Variants in NPAS1 observed in about 807,000 individuals in gnomAD.
NPAS1 encodes neuronal PAS domain protein 1, also known as neuronal PAS domain-containing protein 1.
Under a neutral mutation model 49.2 loss-of-function variants are expected in NPAS1, and 29 were observed. The ratio of observed to expected loss-of-function variants is 0.59; its 90% CI spans 0.44 to 0.80. NPAS1 has a LOEUF of 0.80. Among genes scored for constraint, NPAS1 ranks in the 30% least tolerant of loss-of-function variants. The pLI is 0.00. For missense variants in NPAS1, 825 were observed against 835.5 expected (o/e 0.99, Z 0.15); for synonymous variants, 408 against 380.4 (o/e 1.07, Z -0.84).
At chr19:47,034,554 G>C (rs1344223180) in intron 5 of NPAS1, among the ~76,000 whole-genome samples, 1 of 152,076 alleles carries the variant, frequency 6.6e-6, no homozygotes, top group African/African-American at 2.4e-5. Flanking sequence ...AGGGGAATTT[G>C]GACAAGAGGA....
Position 47,020,401 on chromosome 19 carries a change from G to T in NPAS1, c.-43+404G>T, listed in dbSNP as rs1452549388. On this transcript the variant is annotated intron_variant, in intron 1 of 11. Transcript: ENST00000602212. ...CCGGGGCTGGGGCTCGCGCGCCGGGGTCTTCAGGGAGGAAGTTGTGGTCGT... is the reference window on the plus strand; with the variant it reads ...CCGGGGCTGGGGCTCGCGCGCCGGGTTCTTCAGGGAGGAAGTTGTGGTCGT... Among the ~76,000 whole-genome samples the T allele has an allele frequency of 1.8e-4, 28 of 151,744 alleles. 1 individual carries two copies. The highest frequency in any genetic ancestry group is 1.8e-3 in the Admixed American group (28 of 15,252).
At chr19:47,045,029 C>CA (rs774928609) in intron 11 of NPAS1, among the ~76,000 whole-genome samples, 162 bp from the exon 12 acceptor site, 109 of 146,892 alleles carry the variant, frequency 7.4e-4, no homozygotes, top group East Asian at 6.3e-3. Flanking sequence ...GACTCCGTCT[C>CA]ACAAAAAAAC....
chr19:47,038,515 C>CAAA, intron 6 of NPAS1, among the ~76,000 whole-genome samples: 1 of 60,312 alleles, frequency 1.7e-5, no homozygotes, highest in Admixed American at 1.8e-4. Context: ...GACTCCAGCT[C>CAAA]AAAAAAAAAA....
In NPAS1 at chr19:47,036,035, G is replaced by A. The variant is rs757325290; in HGVS notation, c.594G>A (p.Leu198=). The change falls in exon 6 of 12, where the codon CTG becomes CTA. Residue 198 remains leucine (L), a synonymous_variant. Coordinates refer to ENST00000602212, the MANE Select transcript of NPAS1 (RefSeq NM_002517.4). ...ACCACTCAGAGGTGCTGGAGCAACT[G>A]GGGCTGCGGACGCCGACGCCCGGCC... ...PGDHSEVLEQ[L]GLRTPTPGPP... is the part of the protein sequence containing the mutation. The A allele has an allele frequency of 1.2e-6, 2 of 1,605,398 alleles. No individual in the cohort carries two copies. The highest frequency in any genetic ancestry group is 3.4e-5 in the Admixed American group (2 of 58,904).
At position 47,045,353 on chromosome 19, in the gene NPAS1, C is replaced by T. The variant is rs143287853; in HGVS notation, c.1475C>T (p.Pro492Leu). 6 of 1,613,662 alleles carry T rather than the reference C, an allele frequency of 3.7e-6. No individual in the cohort carries two copies. Among genetic ancestry groups the T allele is most frequent in the Non-Finnish European group, 5.1e-6 (6 of 1,179,980 alleles). ...TCCAGCCACCCGGCCACACCGAGGC[C>T]CGAGTTCACCTCTGTCATCCGGGCA... is the stretch of plus-strand genomic sequence containing the variant. ...DPSSHPATPR[P>L]EFTSVIRAGV... Residue 492 changes from proline to leucine, a missense_variant, in exon 12 of 12, where the codon CCC becomes CTC. Coordinates refer to ENST00000602212, the MANE Select transcript of NPAS1 (RefSeq NM_002517.4).
chr19:47,045,052 CAAAA>C (rs1303568597), intron 11 of NPAS1, 135 bp from the exon 12 acceptor site: 14 of 861,854 alleles, frequency 1.6e-5, no homozygotes, highest in Non-Finnish European at 2.1e-5. Flanking sequence ...AAAACAAAAA[CAAAA>C]CAAACAAACA....
intron 3 of NPAS1, among the ~76,000 whole-genome samples, chr19:47,023,449 T>C (rs1274477239): frequency 6.6e-6 from 1 of 151,568 alleles, no homozygotes. Flanking sequence ...CAGGACAGTG[T>C]GGGGGGGCTT....
chr19:47,030,796 G>C lies in NPAS1; in HGVS notation c.359-1482G>C, dbSNP rs1419202859. On this transcript the variant is annotated intron_variant, in intron 3 of 11. Transcript: ENST00000602212. ...AGCCTCCCGAGTAGCTGGAATTATA[G>C]GCACCCGCCATCATGCCCAGCTAAT... 2.0e-5 allele frequency among the ~76,000 whole-genome samples: 3 copies of C among 151,946 alleles called. No homozygotes were observed. In the East Asian group the frequency reaches 5.8e-4, roughly 30 times the overall value.
At chr19:47,042,041 C>T (rs2057028128) in intron 10 of NPAS1, among the ~76,000 whole-genome samples, 1 of 148,110 alleles carries the variant, frequency 6.8e-6, no homozygotes, top group Non-Finnish European at 1.5e-5. Context: ...GGCACAGTGG[C>T]TCACGCCTGG....
intron 3 of NPAS1, among the ~76,000 whole-genome samples, chr19:47,025,140 C>T (rs1048850479): frequency 2.9e-5 from 4 of 135,624 alleles, no homozygotes; most frequent in African/African-American, 9.8e-5. Context: ...TCATCTGACA[C>T]TCTCTGTATT....
At chr19:47,040,876 C>G (rs118004891) in intron 9 of NPAS1, 102 bp from the exon 10 acceptor site, 14,597 of 998,070 alleles carry the variant, frequency 0.015, 150 homozygotes, top group Non-Finnish European at 0.018. Flanking sequence ...CCTGCCCACT[C>G]CCCTGCTCTC....
chr19:47,038,590 G>A (rs1043045035), intron 6 of NPAS1, among the ~76,000 whole-genome samples: 4 of 151,060 alleles, frequency 2.6e-5, no homozygotes, highest in Non-Finnish European at 4.4e-5. Context: ...ACCTTGGGAG[G>A]CCAAGGAGGG....
At chr19:47,039,275 G>T in intron 7 of NPAS1, 124 bp downstream of exon 7, 2 of 1,458,398 alleles carry the variant, frequency 1.4e-6, no homozygotes, top group Non-Finnish European at 9.3e-7. Flanking sequence ...GTCTGGGAAT[G>T]GGACTGGGGG....
chr19:47,023,142 G>A (rs1462388234), intron 3 of NPAS1, among the ~76,000 whole-genome samples: 1 of 152,248 alleles, frequency 6.6e-6, no homozygotes, highest in East Asian at 1.9e-4. Flanking sequence ...CTTCCCAGGC[G>A]GTAATTAGGC....
intron 3 of NPAS1, among the ~76,000 whole-genome samples, chr19:47,030,254 C>T (rs2056897066): frequency 6.6e-6 from 1 of 152,054 alleles, no homozygotes; most frequent in African/African-American, 2.4e-5. Context: ...AAACTCCTGA[C>T]CTTGTGATCC....
At chr19:47,039,585 G>T in intron 8 of NPAS1, 21 bp downstream of exon 8, 1 of 1,538,862 alleles carries the variant, frequency 6.5e-7, no homozygotes, top group South Asian at 1.3e-5. Context: ...TGGGGGCTGT[G>T]GCGGGTGGAT....
chr19:47,026,537 C>T (rs1256313637), intron 3 of NPAS1, among the ~76,000 whole-genome samples: 1 of 152,184 alleles, frequency 6.6e-6, no homozygotes, highest in East Asian at 1.9e-4. Flanking sequence ...ACACAGGTGA[C>T]ATGGTCAGGT....
intron 11 of NPAS1, among the ~76,000 whole-genome samples, chr19:47,043,840 G>A (rs145309187): frequency 9.7e-4 from 148 of 152,264 alleles, no homozygotes; most frequent in African/African-American, 3.4e-3. Context: ...TGAGGTAAGA[G>A]AATTGCTTTA....
chr19:47,038,532 AAGACATGGATGGGACC>A (rs1309291695), intron 6 of NPAS1, among the ~76,000 whole-genome samples: 1 of 151,658 alleles, frequency 6.6e-6, no homozygotes, highest in African/African-American at 2.4e-5. Flanking sequence ...AAAAAAAAAA[AAGACATGGATGGGACC>A]AGACATGGTG....
Sources: allele counts gnomAD v4.1 joint callset (sites outside exome capture counted in the v4.1 genomes callset), GRCh38; gene constraint gnomAD v4.1.1; transcripts MANE v1.5; gene names NCBI Gene and HGNC (gene_info 2026-07-23, HGNC 2026-07-21).